Variants in SHISA9 observed in about 807,000 individuals in gnomAD.
SHISA9 encodes protein shisa-9.
A neutral mutation model predicts 38.0 loss-of-function variants in SHISA9; 13 were observed. The ratio of observed to expected loss-of-function variants is 0.34; its 90% confidence interval spans 0.22 to 0.54. The LOEUF (loss-of-function observed/expected upper bound fraction) is 0.54. Ranked by LOEUF, SHISA9 falls within the 20% of genes least tolerant of loss-of-function variation. SHISA9 has a pLI of 0.91. For synonymous variants in SHISA9, 275 were observed against 242.0 expected (o/e 1.14, Z -1.27); for missense variants, 538 against 575.8 (o/e 0.93, Z 0.67).
intron 4 of SHISA9, among the ~76,000 whole-genome samples, chr16:13,217,771 T>A (rs1004161100): frequency 2.0e-5 from 3 of 152,216 alleles, no homozygotes; most frequent in African/African-American, 7.2e-5. Flanking sequence ...GGCTCATGCC[T>A]GTAATCCCAG....
At chr16:13,068,499 C>T (rs570185544) in intron 2 of SHISA9, among the ~76,000 whole-genome samples, 9 of 152,338 alleles carry the variant, frequency 5.9e-5, no homozygotes, top group African/African-American at 2.2e-4. Flanking sequence ...GAACTCTGCA[C>T]AGCAGTTAGT....
chr16:13,466,119 G>A, the SHISA9 span, among the ~76,000 whole-genome samples: 3 of 152,172 alleles, frequency 2.0e-5, no homozygotes, highest in Non-Finnish European at 2.9e-5. Flanking sequence ...TTCCCACAAT[G>A]TTATGTTCTG....
At chr16:13,343,716 T>C in the SHISA9 span, among the ~76,000 whole-genome samples, 1 of 152,192 alleles carries the variant, frequency 6.6e-6, no homozygotes. Context: ...AATTGATCTC[T>C]GGTGCTTGTA....
intron 2 of SHISA9, among the ~76,000 whole-genome samples, chr16:13,089,086 G>C (rs1183554489): frequency 2.0e-5 from 3 of 152,158 alleles, no homozygotes; most frequent in Non-Finnish European, 4.4e-5. Context: ...TTTGTCTTTG[G>C]TTCTGTTGAT....
chr16:13,299,568 G>C, the SHISA9 span, among the ~76,000 whole-genome samples: 1 of 152,062 alleles, frequency 6.6e-6, no homozygotes, highest in South Asian at 2.1e-4. Flanking sequence ...ACAAAAATTA[G>C]CCGGGTGTGG....
the SHISA9 span, among the ~76,000 whole-genome samples, chr16:13,365,406 C>A: frequency 6.7e-6 from 1 of 149,992 alleles, no homozygotes; most frequent in Non-Finnish European, 1.5e-5. Flanking sequence ...TCATGCTAAA[C>A]ATTTAACATA....
Position 13,039,123 on chromosome 16 carries a change from G to T in SHISA9, c.691+122308G>T, listed in dbSNP as rs867155059. Among the ~76,000 whole-genome samples, 11 of 152,072 alleles carry T rather than the reference G, an allele frequency of 7.2e-5. No individual in the cohort carries two copies. In the South Asian group the frequency reaches 1.0e-3, roughly 14 times the overall value. ...GGGGTTTCACCATGTTGGCCAGGCT[G>T]GTCTCGAACTCCTGACCTCAGGTGA... On this transcript the variant is annotated intron_variant, in intron 2 of 4. Transcript: ENST00000558583.
At chr16:13,486,337 T>A in the SHISA9 span, among the ~76,000 whole-genome samples, 1 of 152,178 alleles carries the variant, frequency 6.6e-6, no homozygotes, top group Non-Finnish European at 1.5e-5. Context: ...CACTCAGAAG[T>A]CCTTGATTCC....
At chr16:13,476,750 T>TTTTG in the SHISA9 span, among the ~76,000 whole-genome samples, 1 of 130,796 alleles carries the variant, frequency 7.6e-6, no homozygotes, top group Admixed American at 7.5e-5. Flanking sequence ...TTTTTTTTTT[T>TTTTG]TTTTTTTTTT....
chr16:13,352,648 A>G, the SHISA9 span, among the ~76,000 whole-genome samples: 2 of 145,446 alleles, frequency 1.4e-5, no homozygotes, highest in Non-Finnish European at 3.0e-5. Flanking sequence ...TGTTTATTTC[A>G]CCTGGGCGCA....
intron 2 of SHISA9, among the ~76,000 whole-genome samples, chr16:13,033,600 A>T (rs1461180362): frequency 1.3e-5 from 2 of 152,192 alleles, no homozygotes; most frequent in Non-Finnish European, 2.9e-5. Context: ...GTCCACTTGC[A>T]TTCAAATCAA....
At chr16:13,105,798 A>G (rs903993934) in intron 2 of SHISA9, among the ~76,000 whole-genome samples, 10 of 152,166 alleles carry the variant, frequency 6.6e-5, no homozygotes, top group Non-Finnish European at 1.3e-4. Flanking sequence ...GGCTTATTAA[A>G]AACTTGGCTC....
At chr16:13,514,151 C>A in the SHISA9 span, among the ~76,000 whole-genome samples, 2 of 151,930 alleles carry the variant, frequency 1.3e-5, no homozygotes, top group African/African-American at 4.8e-5. Flanking sequence ...GGCACCACCA[C>A]ACTCGGCTAA....
At chr16:13,256,422 C>T in the SHISA9 span, among the ~76,000 whole-genome samples, 1 of 152,206 alleles carries the variant, frequency 6.6e-6, no homozygotes. Flanking sequence ...GCTGGGATTA[C>T]AGGCACGGGC....
At chr16:13,083,971 C>A (rs547095596) in intron 2 of SHISA9, among the ~76,000 whole-genome samples, 6 of 152,004 alleles carry the variant, frequency 3.9e-5, no homozygotes. Flanking sequence ...GTTTATAGAC[C>A]GGAGAACTGA....
chr16:13,293,108 G>A, the SHISA9 span, among the ~76,000 whole-genome samples: 5 of 152,224 alleles, frequency 3.3e-5, no homozygotes, highest in African/African-American at 1.2e-4. Flanking sequence ...ATTCTAAATA[G>A]CCTTCACATA....
chr16:13,126,103 T>C (rs142280128), intron 2 of SHISA9, among the ~76,000 whole-genome samples: 7 of 152,344 alleles, frequency 4.6e-5, no homozygotes, highest in Non-Finnish European at 8.8e-5. Context: ...TAGTTTCTTA[T>C]AGCCTATTGG....
chr16:12,951,644 T>G (rs1428923477), intron 2 of SHISA9, among the ~76,000 whole-genome samples: 1 of 151,708 alleles, frequency 6.6e-6, no homozygotes, highest in Non-Finnish European at 1.5e-5. Flanking sequence ...GGGGGAGGGG[T>G]GCACCTGCCT....
the SHISA9 span, among the ~76,000 whole-genome samples, chr16:13,429,480 C>T: frequency 6.6e-6 from 1 of 152,164 alleles, no homozygotes; most frequent in Non-Finnish European, 1.5e-5. Flanking sequence ...GTCTTCACAT[C>T]GTCTTCCTTC....
Sources: gnomAD v4.1 joint callset for allele counts (sites outside exome capture counted in the v4.1 genomes callset) on GRCh38, gnomAD v4.1.1 for gene constraint, MANE v1.5 for transcripts, NCBI Gene and HGNC (gene_info 2026-07-23, HGNC 2026-07-21) for gene names.